PACS2: variants seen among roughly 807,000 people sequenced by gnomAD.
PACS2 encodes the protein PACS1-like protein.
Under a neutral mutation model 113.0 loss-of-function variants are expected in PACS2, and 36 were observed. The observed-to-expected ratio is 0.32, with a 90% confidence interval of 0.24 to 0.42. PACS2 has a LOEUF of 0.42. PACS2 is among the 10% of genes least tolerant of loss of function. The pLI is 1.00. For synonymous variants in PACS2, 589 were observed against 536.1 expected (o/e 1.10, Z -1.36); for missense variants, 1,015 against 1,239.5 (o/e 0.82, Z 2.72).
chr14:105,387,990 G>T (rs2081235486), intron 19 of PACS2, among the ~76,000 whole-genome samples: 1 of 152,282 alleles, frequency 6.6e-6, no homozygotes, highest in African/African-American at 2.4e-5. Flanking sequence ...GACAGCTGTG[G>T]ACACAGCCAG....
At chr14:105,362,599 C>T (rs914275513) in intron 4 of PACS2, among the ~76,000 whole-genome samples, 35 of 151,862 alleles carry the variant, frequency 2.3e-4, no homozygotes, top group African/African-American at 8.5e-4. Flanking sequence ...ACCTGTAATC[C>T]CAGCACTTTG....
chr14:105,389,693 G>A, intron 19 of PACS2: 1 of 532,150 alleles, frequency 1.9e-6, no homozygotes. Flanking sequence ...CTGTCCTCCT[G>A]ACCATGGGTG....
At chr14:105,368,884 G>A (rs2061048943) in intron 7 of PACS2, among the ~76,000 whole-genome samples, 1 of 152,236 alleles carries the variant, frequency 6.6e-6, no homozygotes, top group Non-Finnish European at 1.5e-5. Context: ...TGAGTGGGCT[G>A]GTTCCCCCAT....
At chr14:105,306,691 T>C (rs10147674) in intron 1 of PACS2, among the ~76,000 whole-genome samples, 17,407 of 151,920 alleles carry the variant, frequency 0.11, 3,388 homozygotes, top group African/African-American at 0.4. Flanking sequence ...CCGCAATCTC[T>C]ACCTCCCGGG....
intron 1 of PACS2, among the ~76,000 whole-genome samples, chr14:105,305,433 C>T (rs1422808022): frequency 1.3e-5 from 2 of 151,338 alleles, no homozygotes; most frequent in African/African-American, 2.5e-5. Flanking sequence ...AAAGAAAAAA[C>T]GTGGCTGGAG....
chr14:105,326,487 G>T (rs1288653928), intron 1 of PACS2, among the ~76,000 whole-genome samples: 2 of 152,248 alleles, frequency 1.3e-5, no homozygotes, highest in Non-Finnish European at 2.9e-5. Context: ...TGGGCTGTTC[G>T]TTCCTCTGAG....
chr14:105,322,936 C>A (rs1188905084), intron 1 of PACS2, among the ~76,000 whole-genome samples: 1 of 152,200 alleles, frequency 6.6e-6, no homozygotes, highest in Admixed American at 6.5e-5. Flanking sequence ...CTGAGCAGGG[C>A]GTGTGCTGGT....
intron 19 of PACS2, among the ~76,000 whole-genome samples, chr14:105,387,586 G>A (rs1318721154): frequency 1.3e-5 from 2 of 152,240 alleles, no homozygotes; most frequent in African/African-American, 2.4e-5. Context: ...GTGTCCAGCC[G>A]GTGTCACCCC....
intron 8 of PACS2, chr14:105,371,075 G>C (rs894891426): frequency 2.6e-5 from 4 of 152,320 alleles, no homozygotes; most frequent in African/African-American, 9.6e-5. Context: ...TCCATGTGCC[G>C]AAACAGGTGC....
Position 105,376,096 on chromosome 14 carries a change from A to G in PACS2, c.802-672A>G, listed in dbSNP as rs1445103783. Among the ~76,000 whole-genome samples the G allele has an allele frequency of 6.6e-6, 1 of 152,028 alleles. No homozygotes were observed. The highest frequency in any genetic ancestry group is 1.5e-5 in the Non-Finnish European group (1 of 67,990). On this transcript the variant is annotated intron_variant, in intron 8 of 24. Transcript: ENST00000447393. This position sits in a 1 kb window ranked among gnomAD's most constrained non-coding sequence, Gnocchi z 4.7. Reference sequence around the variant, plus strand: ...TTATAAAACCATCAGATCTCTTAAGATGTGCTCATTATCATGAGAACAGCG... The same window carrying G: ...TTATAAAACCATCAGATCTCTTAAGGTGTGCTCATTATCATGAGAACAGCG...
chr14:105,392,558 T>C (rs2141314773), intron 22 of PACS2, 61 bp from the exon 23 acceptor site: 1 of 1,412,712 alleles, frequency 7.1e-7, no homozygotes, highest in African/African-American at 1.4e-5. Flanking sequence ...ACAGGGACAG[T>C]GATGTCCCCA....
chr14:105,347,779 G>T (rs1327300524), intron 1 of PACS2, among the ~76,000 whole-genome samples: 1 of 152,236 alleles, frequency 6.6e-6, no homozygotes, highest in South Asian at 2.1e-4. Context: ...ATGGGTGGGT[G>T]GTGTGGGCAT....
chr14:105,314,484 G>A (rs915591884), upstream of PACS2: 4 of 148,818 alleles, frequency 2.7e-5, no homozygotes, highest in Admixed American at 1.3e-4. Context: ...GCCCCGGGCG[G>A]GGTCTGTGCG....
chr14:105,392,541 G>T, intron 22 of PACS2, 78 bp from the exon 23 acceptor site: 1 of 1,300,334 alleles, frequency 7.7e-7, no homozygotes, highest in Non-Finnish European at 1.1e-6. Flanking sequence ...TCACCTCCTG[G>T]CCTGTCACAG....
At position 105,341,239 on chromosome 14, in the gene PACS2, C is replaced by T. The variant is rs111704075; in HGVS notation, c.120-7254C>T. ...CTCTGAACTTTTCCTGTATGCCTCT[C>T]GCTTCTCTCTGTCAGAAAACAAAAC... On this transcript the variant is annotated intron_variant, in intron 1 of 24. Transcript: ENST00000447393. 4.4e-3 allele frequency among the ~76,000 whole-genome samples: 676 copies of T among 152,324 alleles called. 8 individuals carry two copies. The highest frequency in any genetic ancestry group is 0.015 in the African/African-American group (635 of 41,560).
chr14:105,325,926 C>T (rs943619730), intron 1 of PACS2, among the ~76,000 whole-genome samples: 1 of 152,254 alleles, frequency 6.6e-6, no homozygotes, highest in Non-Finnish European at 1.5e-5. Context: ...CTGGGAGTCC[C>T]ACATCTGCAT....
chr14:105,314,290 C>G (rs1401310331), upstream of PACS2: 1 of 142,392 alleles, frequency 7.0e-6, no homozygotes, highest in East Asian at 2.1e-4. Context: ...CGGGGAGACT[C>G]GGGGCATGGC....
rs1378914765 is a variant in PACS2, at chr14:105,357,974, G to T, written c.423+2797G>T. On this transcript the variant is annotated intron_variant, in intron 4 of 24. Coordinates refer to ENST00000447393, the MANE Select transcript of PACS2 (RefSeq NM_001100913.3). This position sits in a 1 kb window ranked among gnomAD's most constrained non-coding sequence, Gnocchi z 5.1. The stretch of plus-strand genomic sequence containing the variant: ...GAGTGTGGTGGGAGAGGATGTGGGG[G>T]GCACCTGCCCAGGACCTCCAGGCTG... Among the ~76,000 whole-genome samples the T allele has an allele frequency of 1.3e-5, 2 of 152,174 alleles. No homozygotes were observed. The highest frequency in any genetic ancestry group is 2.9e-5 in the Non-Finnish European group (2 of 68,004).
At position 105,381,235 on chromosome 14, in the gene PACS2, C is replaced by T. The variant is rs919574342; in HGVS notation, c.1268+136C>T. The T allele has an allele frequency of 2.2e-5, 15 of 678,002 alleles. No individual in the cohort carries two copies. In the African/African-American group the frequency reaches 2.8e-4, roughly 12 times the overall value. 42.0% of individuals were successfully genotyped at this position (678,002 alleles called of 1,614,324 possible). A position where few individuals can be genotyped will look rare whatever the true frequency, so the allele number is the denominator to read the frequency against. On this transcript the variant is annotated intron_variant, in intron 12 of 24. Coordinates refer to ENST00000447393, the MANE Select transcript of PACS2 (RefSeq NM_001100913.3). ...CGGGTGTAGACAGCAGATTCAGGGC[C>T]TCGTCCTTCTTAAAAAGGAGAAGCA... is the stretch of plus-strand genomic sequence containing the variant.
Sources: gnomAD v4.1 joint callset for allele counts (sites outside exome capture counted in the v4.1 genomes callset) on GRCh38, gnomAD v4.1.1 for gene constraint, Gnocchi (gnomAD v3.1) non-coding constraint, MANE v1.5 for transcripts, NCBI Gene and HGNC (gene_info 2026-07-23, HGNC 2026-07-21) for gene names.